The following CSTPP1 variants were observed in gnomAD, a reference collection of about 807,000 sequenced individuals.
The protein encoded by CSTPP1 is UPF0705 protein C11orf49.
the CSTPP1 span, among the ~76,000 whole-genome samples, chr11:47,046,282 GAAAA>G: frequency 1.8e-5 from 1 of 55,898 alleles, no homozygotes; most frequent in Non-Finnish European, 3.7e-5. Flanking sequence ...TCCACCAAAA[GAAAA>G]AAAAAAAAAA....
chr11:47,028,983 G>T, the CSTPP1 span, among the ~76,000 whole-genome samples: 101,079 of 151,542 alleles, frequency 0.67, 34,213 homozygotes, highest in African/African-American at 0.72. Flanking sequence ...GACTACAGGC[G>T]CAGGCCACCA....
the CSTPP1 span, among the ~76,000 whole-genome samples, chr11:47,099,680 A>G: frequency 6.6e-6 from 1 of 152,224 alleles, no homozygotes; most frequent in Non-Finnish European, 1.5e-5. Flanking sequence ...AAAATGTTTG[A>G]TAAGTGCAGT....
the CSTPP1 span, chr11:47,159,503 G>C: frequency 3.7e-5 from 15 of 406,614 alleles, no homozygotes; most frequent in Non-Finnish European, 5.8e-5. Context: ...GAGCAAGACA[G>C]TCTCAAAAAA....
the CSTPP1 span, among the ~76,000 whole-genome samples, chr11:46,958,260 A>G: frequency 6.6e-6 from 1 of 151,896 alleles, no homozygotes; most frequent in African/African-American, 2.4e-5. Flanking sequence ...TTGGCCTCCC[A>G]CAGTGTTGGG....
the CSTPP1 span, among the ~76,000 whole-genome samples, chr11:47,008,229 T>C: frequency 1.3e-5 from 2 of 152,196 alleles, no homozygotes; most frequent in African/African-American, 4.8e-5. Context: ...CCTCTCAAAG[T>C]GCTGGGATTA....
chr11:47,150,843 T>C, the CSTPP1 span, among the ~76,000 whole-genome samples: 1 of 142,028 alleles, frequency 7.0e-6, no homozygotes, highest in South Asian at 2.3e-4. Context: ...CAGATCCAAA[T>C]GGGGGAACGT....
the CSTPP1 span, among the ~76,000 whole-genome samples, chr11:47,116,166 T>C: frequency 1.4e-4 from 22 of 152,172 alleles, no homozygotes; most frequent in Admixed American, 1.4e-3. Context: ...TTTGATGGCA[T>C]TGTGGTCTGA....
chr11:47,140,672 C>G, the CSTPP1 span, among the ~76,000 whole-genome samples: 1 of 123,740 alleles, frequency 8.1e-6, no homozygotes, highest in African/African-American at 3.1e-5. Flanking sequence ...TTCCTGACCT[C>G]AAAAGATCTG....
At chr11:47,127,522 G>C in the CSTPP1 span, among the ~76,000 whole-genome samples, 1 of 152,154 alleles carries the variant, frequency 6.6e-6, no homozygotes, top group South Asian at 2.1e-4. Flanking sequence ...CCACTGGCTG[G>C]AGCTGAAGGA....
the CSTPP1 span, among the ~76,000 whole-genome samples, chr11:47,080,362 G>A: frequency 6.6e-6 from 1 of 151,886 alleles, no homozygotes; most frequent in Non-Finnish European, 1.5e-5. Flanking sequence ...GGCTGAGGTA[G>A]GAGAATTGCT....
At chr11:47,043,535 C>A in the CSTPP1 span, among the ~76,000 whole-genome samples, 2 of 152,166 alleles carry the variant, frequency 1.3e-5, no homozygotes, top group Non-Finnish European at 2.9e-5. Flanking sequence ...TGGTTCTGGA[C>A]TAGGGTCTGT....
chr11:47,086,280 C>T, the CSTPP1 span, among the ~76,000 whole-genome samples: 1 of 146,734 alleles, frequency 6.8e-6, no homozygotes, highest in Non-Finnish European at 1.5e-5. Flanking sequence ...GTAGTACATA[C>T]CTGTAATCCC....
At chr11:47,123,714 A>G in the CSTPP1 span, among the ~76,000 whole-genome samples, 1 of 152,202 alleles carries the variant, frequency 6.6e-6, no homozygotes, top group Non-Finnish European at 1.5e-5. Flanking sequence ...AGATGGTCAG[A>G]TTATGACTGG....
At chr11:47,019,612 A>C in the CSTPP1 span, among the ~76,000 whole-genome samples, 99,054 of 151,924 alleles carry the variant, frequency 0.65, 32,694 homozygotes, top group Middle Eastern at 0.7. Flanking sequence ...GAGTCAGAAC[A>C]TAACGACATT....
chr11:47,071,131 C>T, the CSTPP1 span, among the ~76,000 whole-genome samples: 12,254 of 152,210 alleles, frequency 0.081, 504 homozygotes, highest in Non-Finnish European at 0.089. Context: ...TCCTATCATA[C>T]CTTATATTTA....
the CSTPP1 span, among the ~76,000 whole-genome samples, chr11:46,974,172 C>T: frequency 1.9e-3 from 289 of 152,134 alleles, no homozygotes; most frequent in African/African-American, 6.8e-3. Context: ...GTGGAGGTTG[C>T]GATGAGCTAT....
At chr11:47,081,306 G>T in the CSTPP1 span, among the ~76,000 whole-genome samples, 1 of 151,714 alleles carries the variant, frequency 6.6e-6, no homozygotes, top group Admixed American at 6.6e-5. Context: ...GAAATATCCC[G>T]AGAAAGAAAA....
the CSTPP1 span, among the ~76,000 whole-genome samples, chr11:47,129,778 TTCTTTAAA>T: frequency 6.6e-6 from 1 of 152,186 alleles, no homozygotes; most frequent in Non-Finnish European, 1.5e-5. Flanking sequence ...ATGCCTGCAT[TTCTTTAAA>T]TCTTTACCTG....
chr11:46,996,946 C>T, the CSTPP1 span, among the ~76,000 whole-genome samples: 2 of 152,198 alleles, frequency 1.3e-5, no homozygotes, highest in East Asian at 3.9e-4. Flanking sequence ...ATGGGCTTCC[C>T]TTTGCGGGTA....
Sources: gnomAD v4.1 joint callset for allele counts (sites outside exome capture counted in the v4.1 genomes callset) on GRCh38, gnomAD v4.1.1 for gene constraint, MANE v1.5 for transcripts, NCBI Gene and HGNC (gene_info 2026-07-23, HGNC 2026-07-21) for gene names.